RNF144B: variants seen among roughly 807,000 people sequenced by gnomAD.
The protein encoded by RNF144B is ring finger protein 144B, also known as E3 ubiquitin-protein ligase RNF144B.
In RNF144B, 25 loss-of-function variants were observed where a neutral mutation model predicts 40.2. That is an observed-to-expected ratio of 0.62 (90% CI 0.45 to 0.87). The LOEUF is 0.87. RNF144B is among the 40% of genes least tolerant of loss of function. The pLI, the probability that RNF144B is intolerant of heterozygous loss-of-function variation, is 0.00. For missense variants in RNF144B, 365 were observed against 373.7 expected (o/e 0.98, Z 0.19); for synonymous variants, 145 against 136.3 (o/e 1.06, Z -0.44).
Position 18,443,119 on chromosome 6 carries a change from A to C in RNF144B, c.331+3375A>C, listed in dbSNP as rs1759002055. On this transcript the variant is annotated intron_variant, in intron 4 of 7. Coordinates refer to ENST00000259939, the MANE Select transcript of RNF144B (RefSeq NM_182757.4). This position sits in a 1 kb window ranked among gnomAD's most constrained non-coding sequence, Gnocchi z 4.7. ...GAACTGCCAAATTGTAAAACCCTAT[A>C]ATTTAAATATAAATTTAATAGACAT... is the stretch of plus-strand genomic sequence containing the variant. Among the ~76,000 whole-genome samples the C allele has an allele frequency of 6.6e-6, 1 of 152,164 alleles. No individual in the cohort carries two copies. The highest frequency in any genetic ancestry group is 1.5e-5 in the Non-Finnish European group (1 of 68,016).
rs1363497407 is a variant in RNF144B at position 18,395,725 on chromosome 6, G to A, written c.-36-3774G>A. Among the ~76,000 whole-genome samples, 2 of 152,116 alleles carry A rather than the reference G, an allele frequency of 1.3e-5. No homozygotes were observed. The highest frequency in any genetic ancestry group is 2.9e-5 in the Non-Finnish European group (2 of 68,036). On this transcript the variant is annotated intron_variant, in intron 1 of 7. Coordinates refer to ENST00000259939, the MANE Select transcript of RNF144B (RefSeq NM_182757.4). The surrounding 1 kb of genome is among the most constrained non-coding windows in gnomAD (Gnocchi z 4.5). Reference sequence around the variant, plus strand: ...AGGCTTCTGCAATGGTGCCTGGGGGGCTGCTGAGTGGGGAAGGTCAAGGGG... The same window carrying A: ...AGGCTTCTGCAATGGTGCCTGGGGGACTGCTGAGTGGGGAAGGTCAAGGGG...
chr6:18,425,328 GAAGATCAA>G lies in RNF144B; in HGVS notation c.166-2252_166-2245del, dbSNP rs779240249. ...TTAAGTGGCTGCTGGGGGTCAGTGGGAAGATCAAGGCAGTAACAATGGAACAGGTGTGG... is the reference window on the plus strand; with the variant it reads ...TTAAGTGGCTGCTGGGGGTCAGTGGGGGCAGTAACAATGGAACAGGTGTGG... On this transcript the variant is annotated intron_variant, in intron 2 of 7. Transcript: ENST00000259939. This position sits in a 1 kb window ranked among gnomAD's most constrained non-coding sequence, Gnocchi z 4.2. Among the ~76,000 whole-genome samples the G allele has an allele frequency of 2.0e-5, 3 of 152,148 alleles. No homozygotes were observed. The highest frequency in any genetic ancestry group is 4.4e-5 in the Non-Finnish European group (3 of 68,030).
At chr6:18,424,691 T>C (rs566477486) in intron 2 of RNF144B, among the ~76,000 whole-genome samples, 1 of 152,354 alleles carries the variant, frequency 6.6e-6, no homozygotes, top group African/African-American at 2.4e-5. Flanking sequence ...TTTGCAGTTA[T>C]ATTTGAAATG....
rs1004499995 is a variant in RNF144B, at chr6:18,444,857, C to T, written c.331+5113C>T. 3.3e-5 allele frequency among the ~76,000 whole-genome samples: 5 copies of T among 152,156 alleles called. No homozygotes were observed. Among genetic ancestry groups the T allele is most frequent in the Non-Finnish European group, 4.4e-5 (3 of 68,028 alleles). On this transcript the variant is annotated intron_variant, in intron 4 of 7. Coordinates refer to ENST00000259939, the MANE Select transcript of RNF144B (RefSeq NM_182757.4). The surrounding 1 kb of genome is among the most constrained non-coding windows in gnomAD (Gnocchi z 4.3). Reference sequence around the variant, plus strand: ...AAAGCCCTTTTGTTCTCAGCATTCTCCTCAAGCCTCCTTTCATTTCATGTC... The same window carrying T: ...AAAGCCCTTTTGTTCTCAGCATTCTTCTCAAGCCTCCTTTCATTTCATGTC...
At chr6:18,392,717 C>G (rs763646808) in intron 1 of RNF144B, among the ~76,000 whole-genome samples, 2 of 152,182 alleles carry the variant, frequency 1.3e-5, no homozygotes, top group Non-Finnish European at 2.9e-5. Context: ...ATACTGCCAC[C>G]TCACAGAGCC....
rs1402836341 is a variant in RNF144B at position 18,414,708 on chromosome 6, T to TTTA, written c.166-12872_166-12870dup. Among the ~76,000 whole-genome samples, 1 of 152,204 alleles carries TTTA rather than the reference T, an allele frequency of 6.6e-6. No homozygotes were observed. On this transcript the variant is annotated intron_variant, in intron 2 of 7. Transcript: ENST00000259939. The surrounding 1 kb of genome is among the most constrained non-coding windows in gnomAD (Gnocchi z 4.9). ...TTATTTAAAATATAGGATTTCTGCT[T>TTTA]TTAAGCAGTATTAAAATCTGAGATT... is the stretch of plus-strand genomic sequence containing the variant.
Position 18,406,079 on chromosome 6 carries a change from C to A in RNF144B, c.165+6380C>A, listed in dbSNP as rs1259431326. On this transcript the variant is annotated intron_variant, in intron 2 of 7. Transcript: ENST00000259939. The surrounding 1 kb of genome is among the most constrained non-coding windows in gnomAD (Gnocchi z 4.2). ...TTTATTCAACAAATATTTGCTGTGTCTTGCATAGTTCTGATGGTTTGAATA... is the reference window on the plus strand; with the variant it reads ...TTTATTCAACAAATATTTGCTGTGTATTGCATAGTTCTGATGGTTTGAATA... 1 of 518,916 alleles carries A rather than the reference C, an allele frequency of 1.9e-6. No individual in the cohort carries two copies. Among genetic ancestry groups the A allele is most frequent in the South Asian group, 1.4e-5 (1 of 71,564 alleles). 32.1% of individuals were successfully genotyped at this position (518,916 alleles called of 1,614,324 possible). A position where few individuals can be genotyped will look rare whatever the true frequency, so the allele number is the denominator to read the frequency against.
chr6:18,439,178 A>G (rs1410599055), intron 3 of RNF144B, among the ~76,000 whole-genome samples: 2 of 152,038 alleles, frequency 1.3e-5, no homozygotes, highest in Non-Finnish European at 2.9e-5. Context: ...CTAGGAAGTG[A>G]CTCTTGTCAG....
At position 18,418,379 on chromosome 6, in the gene RNF144B, C is replaced by T. The variant is rs1673569137; in HGVS notation, c.166-9202C>T. On this transcript the variant is annotated intron_variant, in intron 2 of 7. Transcript: ENST00000259939. The surrounding 1 kb of genome is among the most constrained non-coding windows in gnomAD (Gnocchi z 5.2). ...TGTGGTATATTCACACAATGGCATA[C>T]TATTCAGCAATAAAATAAATGAAGT... Among the ~76,000 whole-genome samples, 1 of 152,156 alleles carries T rather than the reference C, an allele frequency of 6.6e-6. No individual in the cohort carries two copies. Among genetic ancestry groups the T allele is most frequent in the Non-Finnish European group, 1.5e-5 (1 of 68,016 alleles).
At chr6:18,436,026 A>G (rs1167095357) in intron 3 of RNF144B, among the ~76,000 whole-genome samples, 2 of 152,026 alleles carry the variant, frequency 1.3e-5, no homozygotes, top group Non-Finnish European at 2.9e-5. Context: ...GTATAATAAT[A>G]ATAATAATAA....
Position 18,440,808 on chromosome 6 carries a change from TTA to T in RNF144B, c.331+1065_331+1066del, listed in dbSNP as rs1491588597. Among the ~76,000 whole-genome samples the T allele has an allele frequency of 4.7e-5, 7 of 150,074 alleles. 1 individual carries two copies. In the South Asian group the frequency reaches 1.5e-3, roughly 32 times the overall value. On this transcript the variant is annotated intron_variant, in intron 4 of 7. Coordinates refer to ENST00000259939, the MANE Select transcript of RNF144B (RefSeq NM_182757.4). ...TGTTTTTGTGGTGTTTTTTTTTTTTTTAAAAATCCAGCAGCCAAAACCAGATT... is the reference window on the plus strand; with the variant it reads ...TGTTTTTGTGGTGTTTTTTTTTTTTTAAAATCCAGCAGCCAAAACCAGATT...
chr6:18,404,660 G>A (rs1036279980), intron 2 of RNF144B, among the ~76,000 whole-genome samples: 1 of 152,048 alleles, frequency 6.6e-6, no homozygotes, highest in African/African-American at 2.4e-5. Context: ...TCAAAGTGTG[G>A]CTTTGAAATA....
intron 4 of RNF144B, among the ~76,000 whole-genome samples, chr6:18,440,110 C>T (rs1327421227): frequency 6.6e-6 from 1 of 152,134 alleles, no homozygotes; most frequent in Non-Finnish European, 1.5e-5. Context: ...CGAAACATTA[C>T]CAGCCCAAAC....
At chr6:18,430,252 C>T (rs972549859) in intron 3 of RNF144B, among the ~76,000 whole-genome samples, 2 of 152,120 alleles carry the variant, frequency 1.3e-5, no homozygotes, top group Non-Finnish European at 2.9e-5. Context: ...CTAATGGTTA[C>T]CAGACCGGAC....
intron 2 of RNF144B, among the ~76,000 whole-genome samples, chr6:18,409,375 C>CAAAAAA (rs770011648): frequency 8.4e-5 from 5 of 59,558 alleles, no homozygotes; most frequent in Non-Finnish European, 1.1e-4. Flanking sequence ...GAGACTGTCT[C>CAAAAAA]AAAAAAAAAA....
intron 2 of RNF144B, among the ~76,000 whole-genome samples, chr6:18,401,791 G>T (rs990158656): frequency 6.6e-6 from 1 of 152,138 alleles, no homozygotes; most frequent in African/African-American, 2.4e-5. Context: ...AGAATTGGAT[G>T]ACATCTCCCA....
Position 18,406,956 on chromosome 6 carries a change from G to A in RNF144B, c.165+7257G>A, listed in dbSNP as rs1281942068. The stretch of plus-strand genomic sequence containing the variant: ...AGCCACGTCTTACATAGTAGCAGGC[G>A]AGAAAGAGAGCACCACACTTATCAA... On this transcript the variant is annotated intron_variant, in intron 2 of 7. Coordinates refer to ENST00000259939, the MANE Select transcript of RNF144B (RefSeq NM_182757.4). The surrounding 1 kb of genome is among the most constrained non-coding windows in gnomAD (Gnocchi z 4.2). 3.3e-5 allele frequency among the ~76,000 whole-genome samples: 5 copies of A among 152,072 alleles called. No homozygotes were observed. The highest frequency in any genetic ancestry group is 1.3e-4 in the Admixed American group (2 of 15,262).
At chr6:18,404,482 G>A (rs544277981) in intron 2 of RNF144B, among the ~76,000 whole-genome samples, 28 of 152,214 alleles carry the variant, frequency 1.8e-4, no homozygotes, top group South Asian at 4.1e-4. Context: ...GAGCTGTTAC[G>A]TTCTTCAAAA....
At chr6:18,396,464 G>C in intron 1 of RNF144B, 1 of 982,978 alleles carries the variant, frequency 1.0e-6, no homozygotes, top group Non-Finnish European at 1.2e-6. Context: ...TTCTCGAAGA[G>C]TACCTAGATC....
Sources: allele counts gnomAD v4.1 joint callset (sites outside exome capture counted in the v4.1 genomes callset), GRCh38; gene constraint gnomAD v4.1.1; non-coding constraint Gnocchi (gnomAD v3.1); transcripts MANE v1.5; gene names NCBI Gene and HGNC (gene_info 2026-07-23, HGNC 2026-07-21).